WFS1: variants seen among roughly 807,000 people sequenced by gnomAD.
The protein encoded by WFS1 is wolframin ER transmembrane glycoprotein.
Under a neutral mutation model 68.5 loss-of-function variants are expected in WFS1, and 90 were observed. That is an observed-to-expected ratio of 1.31 (90% CI 1.11 to 1.56). The LOEUF (loss-of-function observed/expected upper bound fraction) is 1.56. Among genes scored for constraint, WFS1 ranks in the 40% most tolerant of loss-of-function variants. The pLI, the probability that WFS1 is intolerant of heterozygous loss-of-function variation, is 0.00. For missense variants in WFS1, 1,767 were observed against 1,232.6 expected (o/e 1.43, Z -6.49); for synonymous variants, 860 against 540.7 (o/e 1.59, Z -8.19).
At chr4:6,289,884 TC>T (rs1432882810) in intron 4 of WFS1, among the ~76,000 whole-genome samples, 3 of 152,208 alleles carry the variant, frequency 2.0e-5, no homozygotes, top group African/African-American at 7.2e-5. Context: ...TACAAATTAC[TC>T]ATAACCTTGA....
chr4:6,295,111 C>A lies in WFS1; in HGVS notation c.783C>A (p.Ser261Arg), dbSNP rs780427963. The change falls in exon 7 of 8, where the codon AGC (serine) becomes AGA (arginine). Residue 261 changes from serine to arginine, a missense_variant. Transcript: ENST00000226760. ...AGTACGCCAAGGGCGTCATCCCCAG[C>A]AGCCTGTTCCTGCAGGACGACGAAG... is the stretch of plus-strand genomic sequence containing the variant. The part of the protein sequence containing the change: ...TKKYAKGVIP[S>R]SLFLQDDEDD... 5 of 1,613,456 alleles carry A rather than the reference C, an allele frequency of 3.1e-6. No individual in the cohort carries two copies. The South Asian group carries it at 5.5e-5, about 18-fold the overall frequency.
intron 7 of WFS1, among the ~76,000 whole-genome samples, chr4:6,295,700 C>T (rs1192210918): frequency 1.3e-5 from 2 of 152,196 alleles, no homozygotes; most frequent in Non-Finnish European, 2.9e-5. Flanking sequence ...GTGGGTGACA[C>T]TTGTGCAGGG....
chr4:6,290,643 T>G (rs1186257230), intron 4 of WFS1, among the ~76,000 whole-genome samples: 1 of 152,220 alleles, frequency 6.6e-6, no homozygotes, highest in African/African-American at 2.4e-5. Flanking sequence ...TGTGCCAGTG[T>G]CCCAGGCCGT....
intron 2 of WFS1, among the ~76,000 whole-genome samples, chr4:6,281,403 G>GA (rs1195369779): frequency 6.6e-6 from 1 of 152,090 alleles, no homozygotes; most frequent in African/African-American, 2.4e-5. Context: ...TCAGGGAAAG[G>GA]AGAGGGCATT....
intron 7 of WFS1, among the ~76,000 whole-genome samples, chr4:6,300,195 C>T (rs1012116913): frequency 1.3e-5 from 2 of 152,170 alleles, no homozygotes; most frequent in African/African-American, 4.8e-5. Context: ...TAAGGATCGC[C>T]ATTTCCCTTC....
At chr4:6,284,893 C>T (rs753673221) in intron 2 of WFS1, among the ~76,000 whole-genome samples, 1 of 150,644 alleles carries the variant, frequency 6.6e-6, no homozygotes, top group Admixed American at 6.6e-5. Context: ...GCCTTGGTGC[C>T]TGCAGGCTCT....
Position 6,301,048 on chromosome 4 carries a change from C to G in WFS1, c.1253C>G (p.Ser418Cys), listed in dbSNP as rs768375190. The change falls in exon 8 of 8, where the codon TCC becomes TGC. Residue 418 changes from serine (S) to cysteine (C), a missense_variant. Coordinates refer to ENST00000226760, the MANE Select transcript of WFS1 (RefSeq NM_006005.3). ...CTCTCTGTCTTCTTCGTCATCTTCT[C>G]CTTCCCCATCGCCAGCAAGGACTGC... ...FLLSVFFVIF[S>C]FPIASKDCIP... 1.9e-6 allele frequency: 3 copies of G among 1,614,178 alleles called. No homozygotes were observed. Among genetic ancestry groups the G allele is most frequent in the Non-Finnish European group, 2.5e-6 (3 of 1,180,030 alleles).
At position 6,302,080 on chromosome 4, in the gene WFS1, A is replaced by G. The variant is rs876658119; in HGVS notation, c.2285A>G (p.Lys762Arg). 18 of 1,612,872 alleles carry G rather than the reference A, an allele frequency of 1.1e-5. No individual in the cohort carries two copies. The highest frequency in any genetic ancestry group is 1.5e-5 in the Non-Finnish European group (18 of 1,180,008). ...CTCTGTCGCCTTAAGCTGCTGGCCAAGCACCCCTGCCACATCAAGAAGTTC... is the reference window on the plus strand; with the variant it reads ...CTCTGTCGCCTTAAGCTGCTGGCCAGGCACCCCTGCCACATCAAGAAGTTC... ...EELCRLKLLA[K>R]HPCHIKKFDR... Residue 762 changes from lysine to arginine, a missense_variant, in exon 8 of 8, where the codon AAG becomes AGG. Coordinates refer to ENST00000226760, the MANE Select transcript of WFS1 (RefSeq NM_006005.3).
intron 3 of WFS1, 164 bp from the exon 4 acceptor site, chr4:6,288,823 A>T (rs111852841): frequency 7.6e-6 from 8 of 1,055,980 alleles, no homozygotes; most frequent in Non-Finnish European, 9.9e-6. Context: ...CCGGAGGCTC[A>T]GTAGGGCCTA....
At chr4:6,284,554 T>C (rs1730258059) in intron 2 of WFS1, among the ~76,000 whole-genome samples, 1 of 152,024 alleles carries the variant, frequency 6.6e-6, no homozygotes, top group African/African-American at 2.4e-5. Context: ...ATAATATGAC[T>C]TGTGAACTTA....
chr4:6,289,060 T>C lies in WFS1; in HGVS notation c.389T>C (p.Leu130Pro). 3.1e-6 allele frequency: 5 copies of C among 1,598,200 alleles called. No individual in the cohort carries two copies. The highest frequency in any genetic ancestry group is 4.3e-6 in the Non-Finnish European group (5 of 1,173,054). Reference sequence around the variant, plus strand: ...AACAGCTGCACCGCTGTGGACTGGCTGGTCCTCGCCGCGAAGCAGGGCCGT... The same window carrying C: ...AACAGCTGCACCGCTGTGGACTGGCCGGTCCTCGCCGCGAAGCAGGGCCGT... ...ELNSCTAVDW[L>P]VLAAKQGRRE... The change falls in exon 4 of 8, where the codon CTG (leucine) becomes CCG (proline). Residue 130 changes from leucine to proline, a missense_variant. Transcript: ENST00000226760.
At chr4:6,298,591 C>T (rs760292113) in intron 7 of WFS1, among the ~76,000 whole-genome samples, 11 of 150,056 alleles carry the variant, frequency 7.3e-5, no homozygotes, top group Admixed American at 3.9e-4. Context: ...TAAACACTTC[C>T]GTTTCTTCCA....
chr4:6,271,971 T>C (rs1251748293), intron 1 of WFS1, among the ~76,000 whole-genome samples: 1 of 152,150 alleles, frequency 6.6e-6, no homozygotes, highest in Non-Finnish European at 1.5e-5. Context: ...CCTGGCTCAC[T>C]GTCCCTCTGC....
chr4:6,288,260 A>T (rs1023973315), intron 3 of WFS1, among the ~76,000 whole-genome samples: 2 of 151,610 alleles, frequency 1.3e-5, no homozygotes, highest in East Asian at 3.9e-4. Context: ...TCACAGCCAT[A>T]TTGTACTTTA....
chr4:6,299,630 A>G (rs1331821414), intron 7 of WFS1, among the ~76,000 whole-genome samples: 7 of 23,972 alleles, frequency 2.9e-4, no homozygotes, highest in East Asian at 2.8e-3. Flanking sequence ...GTGTGTGTGT[A>G]GGGGTGGGTT....
rs781575919 is a variant in WFS1, at chr4:6,300,877, C to G, written c.1082C>G (p.Thr361Ser). Residue 361 changes from threonine to serine, a missense_variant, in exon 8 of 8, where the codon ACC (threonine) becomes AGC (serine). Thr to Ser is a moderately conservative substitution (Grantham distance 58). Transcript: ENST00000226760. ...TCCTTCATCTCCATGGTGATCTGCA[C>G]CCTCAAGGTGTTCCAGGACAGCAAG... ...YLSFISMVIC[T>S]LKVFQDSKAW... is the part of the protein sequence containing the mutation. 6.2e-7 allele frequency: 1 copy of G among 1,614,138 alleles called. No individual in the cohort carries two copies. The highest frequency in any genetic ancestry group is 1.7e-5 in the Admixed American group (1 of 60,024).
intron 7 of WFS1, among the ~76,000 whole-genome samples, chr4:6,298,956 T>G (rs1405175447): frequency 6.6e-6 from 1 of 152,204 alleles, no homozygotes; most frequent in Non-Finnish European, 1.5e-5. Context: ...AGCCCCTCAG[T>G]GGGCCCTGGA....
intron 7 of WFS1, among the ~76,000 whole-genome samples, chr4:6,298,329 T>C (rs1422249102): frequency 1.3e-5 from 2 of 152,236 alleles, no homozygotes; most frequent in Admixed American, 6.5e-5. Context: ...ATAAATGCCC[T>C]CTGGCTCTCT....
At chr4:6,291,451 C>A in intron 5 of WFS1, 84 bp downstream of exon 5, 1 of 1,545,278 alleles carries the variant, frequency 6.5e-7, no homozygotes, top group Admixed American at 1.8e-5. Context: ...GGGGCTGGGA[C>A]CTTCCCTCAG....
Sources: gnomAD v4.1 joint callset for allele counts (sites outside exome capture counted in the v4.1 genomes callset) on GRCh38, gnomAD v4.1.1 for gene constraint, MANE v1.5 for transcripts, NCBI Gene and HGNC (gene_info 2026-07-23, HGNC 2026-07-21) for gene names.